SYK: variants seen among roughly 807,000 people sequenced by gnomAD.
SYK encodes spleen associated tyrosine kinase, also known as tyrosine-protein kinase SYK.
A neutral mutation model predicts 77.8 loss-of-function variants in SYK; 16 were observed. That is an observed-to-expected ratio of 0.21 (90% CI 0.14 to 0.31). The LOEUF (loss-of-function observed/expected upper bound fraction) is 0.31, where lower values mean the gene tolerates loss of function less well. SYK is among the 10% of genes least tolerant of loss of function. The pLI, the probability that SYK is intolerant of heterozygous loss-of-function variation, is 1.00. For synonymous variants in SYK, 312 were observed against 308.7 expected (o/e 1.01, Z -0.11); for missense variants, 529 against 814.4 (o/e 0.65, Z 4.26).
chr9:90,857,528 G>A (rs1827088644), intron 3 of SYK, among the ~76,000 whole-genome samples: 1 of 152,158 alleles, frequency 6.6e-6, no homozygotes, highest in African/African-American at 2.4e-5. Context: ...CCTCAGATAG[G>A]GATTGTGTAC....
chr9:90,898,369 G>A lies in SYK; in HGVS notation c.*2769G>A, dbSNP rs199576591. ...GCACTTGGACATCAGTCCAATGACTGCAAGTCGGCCTGGATTTTCACTTGC... is the reference window on the plus strand; with the variant it reads ...GCACTTGGACATCAGTCCAATGACTACAAGTCGGCCTGGATTTTCACTTGC... On this transcript the variant is annotated 3_prime_UTR_variant, in exon 14 of 14. Transcript: ENST00000375754. 4.4e-6 allele frequency: 1 copy of A among 228,132 alleles called. No homozygotes were observed. Among genetic ancestry groups the A allele is most frequent in the Non-Finnish European group, 8.7e-6 (1 of 114,842 alleles). The allele number at this position is 228,132 out of a possible 1,614,324, so 14.1% of individuals were successfully genotyped here.
chr9:90,895,747 GCCTGTC>G lies in SYK; in HGVS notation c.*150_*155del, dbSNP rs1344711243. 2 of 712,128 alleles carry G rather than the reference GCCTGTC, an allele frequency of 2.8e-6. No homozygotes were observed. The highest frequency in any genetic ancestry group is 2.3e-5 in the Admixed American group (1 of 42,874). 44.1% of individuals were successfully genotyped at this position (712,128 alleles called of 1,614,324 possible). ...ACATGCCCACAACTTGTCACCCAAAGCCTGTCCCAGGACTCACCCTCCACAAAGCAA... is the reference window on the plus strand; with the variant it reads ...ACATGCCCACAACTTGTCACCCAAAGCCAGGACTCACCCTCCACAAAGCAA... On this transcript the variant is annotated 3_prime_UTR_variant, in exon 14 of 14. Transcript: ENST00000375754. This position sits in a 1 kb window ranked among gnomAD's most constrained non-coding sequence, Gnocchi z 4.4.
rs191938672 is a variant in SYK, at chr9:90,838,637, G to A, written c.-41-5221G>A. Among the ~76,000 whole-genome samples the A allele has an allele frequency of 1.6e-3, 246 of 152,280 alleles. 2 individuals are homozygous for A. Among genetic ancestry groups the A allele is most frequent in the Middle Eastern group, 3.4e-3 (1 of 294 alleles). Reference sequence around the variant, plus strand: ...ACCCAGCAGGCTGAGGGGTACAGGTGGAGTTAAGGAGGAGCTAAGTGGCCT... The same window carrying A: ...ACCCAGCAGGCTGAGGGGTACAGGTAGAGTTAAGGAGGAGCTAAGTGGCCT... On this transcript the variant is annotated intron_variant, in intron 1 of 13. Transcript: ENST00000375754.
At chr9:90,871,842 A>G (rs1479649400) in intron 7 of SYK, among the ~76,000 whole-genome samples, 1 of 152,204 alleles carries the variant, frequency 6.6e-6, no homozygotes, top group Admixed American at 6.5e-5. Context: ...TAAAAGGCTT[A>G]TAATCACATA....
At chr9:90,804,229 G>A (rs934654718) in intron 1 of SYK, among the ~76,000 whole-genome samples, 1 of 152,112 alleles carries the variant, frequency 6.6e-6, no homozygotes, top group African/African-American at 2.4e-5. Flanking sequence ...CAATCATACC[G>A]ATCAAAATAG....
chr9:90,814,642 A>G (rs1380955842), intron 1 of SYK, among the ~76,000 whole-genome samples: 1 of 152,032 alleles, frequency 6.6e-6, no homozygotes, highest in African/African-American at 2.4e-5. Flanking sequence ...GCACGGTAAC[A>G]CTCGCCACTA....
At position 90,884,705 on chromosome 9, in the gene SYK, A is replaced by G. The variant is rs1306236115; in HGVS notation, c.1582-3044A>G. Among the ~76,000 whole-genome samples the G allele has an allele frequency of 7.7e-5, 3 of 38,964 alleles. 1 individual carries two copies. The highest frequency in any genetic ancestry group is 5.4e-4 in the Admixed American group (2 of 3,738). The allele number at this position is 38,964 out of a possible 152,430, so 25.6% of individuals were successfully genotyped here. A position where few individuals can be genotyped will look rare whatever the true frequency, so the allele number is the denominator to read the frequency against. On this transcript the variant is annotated intron_variant, in intron 11 of 13. Coordinates refer to ENST00000375754, the MANE Select transcript of SYK (RefSeq NM_003177.7). ...CACATATACACATATGTGTACATGT[A>G]CATATACACATATACACATATGTGT...
chr9:90,867,883 A>G (rs1361814728), intron 7 of SYK, among the ~76,000 whole-genome samples: 2 of 152,222 alleles, frequency 1.3e-5, no homozygotes, highest in Admixed American at 6.5e-5. Context: ...CTTCCCCCAA[A>G]ATATGTATAT....
intron 13 of SYK, among the ~76,000 whole-genome samples, chr9:90,890,330 T>G (rs369092456): frequency 5.9e-5 from 9 of 152,302 alleles, no homozygotes; most frequent in African/African-American, 2.2e-4. Flanking sequence ...TGGACGCACG[T>G]AACAGTGGGC....
At chr9:90,877,432 C>T in intron 9 of SYK, 139 bp from the exon 10 acceptor site, 1 of 871,856 alleles carries the variant, frequency 1.1e-6, no homozygotes, top group Non-Finnish European at 1.8e-6. Context: ...CCATTACAGG[C>T]TTCTGAAGAC....
intron 7 of SYK, among the ~76,000 whole-genome samples, chr9:90,873,960 C>A (rs1258840107): frequency 6.6e-6 from 1 of 152,194 alleles, no homozygotes. Flanking sequence ...ACCACACCCT[C>A]TGAACACCTC....
chr9:90,818,542 G>A (rs1014467332), intron 1 of SYK, among the ~76,000 whole-genome samples: 2 of 152,182 alleles, frequency 1.3e-5, no homozygotes, highest in African/African-American at 4.8e-5. Context: ...CGGTCAGATC[G>A]TAAGGAAGCA....
In SYK at chr9:90,895,717, A is replaced by G. The variant is rs201474800; in HGVS notation, c.*117A>G. Reference sequence around the variant, plus strand: ...TGCCAGTCGGGAGAGCCAGGCTTGGATGGAACATGCCCACAACTTGTCACC... The same window carrying G: ...TGCCAGTCGGGAGAGCCAGGCTTGGGTGGAACATGCCCACAACTTGTCACC... On this transcript the variant is annotated 3_prime_UTR_variant, in exon 14 of 14. Transcript: ENST00000375754. The surrounding 1 kb of genome is among the most constrained non-coding windows in gnomAD (Gnocchi z 4.4). 7 of 942,400 alleles carry G rather than the reference A, an allele frequency of 7.4e-6. No individual in the cohort carries two copies. In the South Asian group the frequency reaches 8.8e-5, roughly 12 times the overall value. 58.4% of individuals were successfully genotyped at this position (942,400 alleles called of 1,614,324 possible).
At chr9:90,868,895 T>G (rs993163371) in intron 7 of SYK, among the ~76,000 whole-genome samples, 4 of 152,206 alleles carry the variant, frequency 2.6e-5, no homozygotes, top group African/African-American at 4.8e-5. Flanking sequence ...GATAATAATT[T>G]AAATGCCTAT....
At chr9:90,890,146 A>G (rs1828732597) in intron 13 of SYK, among the ~76,000 whole-genome samples, 1 of 152,170 alleles carries the variant, frequency 6.6e-6, no homozygotes, top group Non-Finnish European at 1.5e-5. Flanking sequence ...TGTGTTTAAC[A>G]GTGAGGAGTG....
At chr9:90,849,102 C>A (rs954456364) in intron 3 of SYK, among the ~76,000 whole-genome samples, 3 of 152,156 alleles carry the variant, frequency 2.0e-5, no homozygotes, top group Non-Finnish European at 4.4e-5. Context: ...ACTGGGAGGA[C>A]CCTGCTTTGG....
intron 1 of SYK, among the ~76,000 whole-genome samples, chr9:90,814,235 C>T (rs995751922): frequency 3.9e-5 from 6 of 152,086 alleles, no homozygotes; most frequent in African/African-American, 1.2e-4. Context: ...GGGGAAGTAC[C>T]AGGACCACAC....
intron 1 of SYK, among the ~76,000 whole-genome samples, chr9:90,842,086 GGTGTGTGTA>G (rs1282978683): frequency 4.0e-5 from 5 of 125,312 alleles, no homozygotes; most frequent in African/African-American, 1.3e-4. Context: ...TGTAGTACAT[GGTGTGTGTA>G]GTGTGTGTAG....
chr9:90,898,249 T>C lies in SYK; in HGVS notation c.*2649T>C, dbSNP rs1829070085. On this transcript the variant is annotated 3_prime_UTR_variant, in exon 14 of 14. Transcript: ENST00000375754. ...CTATCACAGAAAACAGTGTGTTCAGTGGTGAAAATCGTTGCATGCATGTTT... is the reference window on the plus strand; with the variant it reads ...CTATCACAGAAAACAGTGTGTTCAGCGGTGAAAATCGTTGCATGCATGTTT... 4.3e-6 allele frequency: 1 copy of C among 231,202 alleles called. No homozygotes were observed. Among genetic ancestry groups the C allele is most frequent in the Non-Finnish European group, 8.6e-6 (1 of 116,812 alleles). The allele number at this position is 231,202 out of a possible 1,614,324, so 14.3% of individuals were successfully genotyped here. A position where few individuals can be genotyped will look rare whatever the true frequency, so the allele number is the denominator to read the frequency against.
Sources: allele counts gnomAD v4.1 joint callset (sites outside exome capture counted in the v4.1 genomes callset), GRCh38; gene constraint gnomAD v4.1.1; non-coding constraint Gnocchi (gnomAD v3.1); transcripts MANE v1.5; gene names NCBI Gene and HGNC (gene_info 2026-07-23, HGNC 2026-07-21).